MYRFL: variants seen among roughly 807,000 people sequenced by gnomAD.
MYRFL encodes myelin regulatory factor-like protein.
A neutral mutation model predicts 109.4 loss-of-function variants in MYRFL; 88 were observed. That is an observed-to-expected ratio of 0.80 (90% CI 0.68 to 0.96). The LOEUF is 0.96. MYRFL is among the 40% of genes least tolerant of loss of function. MYRFL has a pLI of 0.00. For synonymous variants in MYRFL, 324 were observed against 320.9 expected, an observed-to-expected ratio of 1.01 and a Z score of -0.10; for missense variants, 957 against 954.9, an observed-to-expected ratio of 1.00 and a Z score of -0.03.
chr12:69,899,451 C>T (rs1954113709), intron 10 of MYRFL, among the ~76,000 whole-genome samples: 1 of 151,816 alleles, frequency 6.6e-6, no homozygotes, highest in Non-Finnish European at 1.5e-5. Context: ...CAACATTCTA[C>T]AAAAGAGCCA....
chr12:69,918,014 G>C (rs999576027), intron 13 of MYRFL, among the ~76,000 whole-genome samples: 4 of 152,032 alleles, frequency 2.6e-5, no homozygotes, highest in Non-Finnish European at 4.4e-5. Context: ...GGAGGGAAAG[G>C]TTATGGGTAT....
chr12:69,882,012 G>T (rs973737166), intron 5 of MYRFL, among the ~76,000 whole-genome samples: 2 of 152,176 alleles, frequency 1.3e-5, no homozygotes, highest in African/African-American at 4.8e-5. Flanking sequence ...AACCTTCCAA[G>T]AATTCCCTCA....
intron 1 of MYRFL, among the ~76,000 whole-genome samples, chr12:69,835,248 T>G (rs1199564343): frequency 6.6e-6 from 1 of 152,220 alleles, no homozygotes; most frequent in Non-Finnish European, 1.5e-5. Context: ...AGTAGGTCAT[T>G]CAGCCATGCC....
intron 19 of MYRFL, among the ~76,000 whole-genome samples, chr12:69,947,568 G>T (rs1955870899): frequency 6.6e-6 from 1 of 152,180 alleles, no homozygotes; most frequent in Non-Finnish European, 1.5e-5. Flanking sequence ...AACCAGTAAA[G>T]ATTTAAGTAG....
chr12:69,843,572 C>T (rs1883363551), intron 1 of MYRFL, among the ~76,000 whole-genome samples: 1 of 152,184 alleles, frequency 6.6e-6, no homozygotes, highest in Admixed American at 6.5e-5. Flanking sequence ...TTTGCTGTGC[C>T]TTCCCTGCTC....
chr12:69,845,158 ACT>A (rs952770019), intron 1 of MYRFL, among the ~76,000 whole-genome samples: 1 of 151,796 alleles, frequency 6.6e-6, no homozygotes, highest in African/African-American at 2.4e-5. Context: ...TTTTCCTCAC[ACT>A]CTGAAAATAT....
chr12:69,832,671 A>C (rs1292159634), intron 1 of MYRFL, among the ~76,000 whole-genome samples: 2 of 152,044 alleles, frequency 1.3e-5, no homozygotes, highest in Non-Finnish European at 2.9e-5. Context: ...ACTGAGCTTG[A>C]AGTGGTTGGG....
At chr12:69,934,028 G>A (rs1261427602) in intron 16 of MYRFL, among the ~76,000 whole-genome samples, 1 of 152,124 alleles carries the variant, frequency 6.6e-6, no homozygotes, top group Non-Finnish European at 1.5e-5. Context: ...TTCATTATAT[G>A]GTCCTAGAAG....
At chr12:69,953,763 G>C (rs986309449) in intron 21 of MYRFL, among the ~76,000 whole-genome samples, 2 of 69,224 alleles carry the variant, frequency 2.9e-5, no homozygotes, top group Non-Finnish European at 6.2e-5. Context: ...AGTGCAACCC[G>C]GACACACACA....
chr12:69,865,456 T>C (rs1884962533), intron 2 of MYRFL, among the ~76,000 whole-genome samples: 1 of 151,924 alleles, frequency 6.6e-6, no homozygotes, highest in Admixed American at 6.6e-5. Context: ...CTTTTCTGGG[T>C]TTTATGGCTC....
chr12:69,859,216 C>A (rs879743337), intron 2 of MYRFL, among the ~76,000 whole-genome samples: 11 of 151,992 alleles, frequency 7.2e-5, no homozygotes, highest in African/African-American at 2.2e-4. Context: ...AGAGAACATC[C>A]TTTGTATGAT....
rs1592865700 is a variant in MYRFL, at chr12:69,936,442, A to G, written c.2045-11A>G. The G allele has an allele frequency of 3.9e-6, 6 of 1,532,950 alleles. No homozygotes were observed. The Admixed American group carries it at 7.9e-5, about 20-fold the overall frequency. The allele number at this position is 1,532,950 out of a possible 1,614,324, so 95.0% of individuals were successfully genotyped here. ...TCTTGCTTCCCCTCCCCCCTGCCCA[A>G]TGCCTTGCAGCACCTAATACATCCC... is the stretch of plus-strand genomic sequence containing the variant. On this transcript the variant is annotated splice_polypyrimidine_tract_variant and intron_variant, in intron 18 of 24. Coordinates refer to ENST00000552032, the MANE Select transcript of MYRFL (RefSeq NM_182530.3).
At chr12:69,925,968 AG>A (rs1955060767) in intron 13 of MYRFL, among the ~76,000 whole-genome samples, 1 of 152,172 alleles carries the variant, frequency 6.6e-6, no homozygotes. Context: ...CTCAGAGAAA[AG>A]CCCAGGTCTT....
intron 13 of MYRFL, among the ~76,000 whole-genome samples, chr12:69,923,887 T>G (rs1219781708): frequency 6.6e-6 from 1 of 152,124 alleles, no homozygotes; most frequent in Non-Finnish European, 1.5e-5. Flanking sequence ...TTTTTATACA[T>G]ATTTAAAATA....
intron 9 of MYRFL, 69 bp from the exon 10 acceptor site, chr12:69,897,087 G>A: frequency 1.0e-6 from 1 of 988,760 alleles, no homozygotes; most frequent in Non-Finnish European, 1.5e-6. Flanking sequence ...ACTGTTGGGT[G>A]GTATTTGTTT....
At chr12:69,828,707 C>T (rs1279863327) in intron 1 of MYRFL, among the ~76,000 whole-genome samples, 1 of 152,054 alleles carries the variant, frequency 6.6e-6, no homozygotes, top group African/African-American at 2.4e-5. Context: ...CTTACAACAA[C>T]CTTCTGGATG....
intron 2 of MYRFL, among the ~76,000 whole-genome samples, chr12:69,862,696 C>A (rs1191251622): frequency 2.0e-5 from 3 of 152,138 alleles, no homozygotes; most frequent in Middle Eastern, 3.4e-3. Context: ...CATCTGCAAA[C>A]AGGGACAATC....
intron 16 of MYRFL, 86 bp downstream of exon 16, chr12:69,932,684 C>G (rs1336005155): frequency 3.0e-6 from 3 of 994,080 alleles, no homozygotes; most frequent in Non-Finnish European, 4.5e-6. Flanking sequence ...GGGGACTGGC[C>G]TGTTTACTTT....
At chr12:69,857,957 C>A (rs145487745) in intron 2 of MYRFL, among the ~76,000 whole-genome samples, 1,537 of 151,766 alleles carry the variant, frequency 0.01, 16 homozygotes, top group African/African-American at 0.015. Context: ...GGAGGGGAAG[C>A]ATTTAGTTTT....
Sources: gnomAD v4.1 joint callset for allele counts (sites outside exome capture counted in the v4.1 genomes callset) on GRCh38, gnomAD v4.1.1 for gene constraint, MANE v1.5 for transcripts, NCBI Gene and HGNC (gene_info 2026-07-23, HGNC 2026-07-21) for gene names.